Variants in SLCO4C1 observed in about 807,000 individuals in gnomAD.
SLCO4C1 encodes the protein organic anion transporter M1.
A neutral mutation model predicts 72.1 loss-of-function variants in SLCO4C1; 58 were observed. The ratio of observed to expected loss-of-function variants is 0.80; its 90% CI spans 0.65 to 1.00. The LOEUF is 1.00. Ranked by LOEUF, SLCO4C1 falls within the 50% of genes least tolerant of loss-of-function variation. The pLI is 0.00. For synonymous variants in SLCO4C1, 297 were observed against 312.5 expected (o/e 0.95, Z 0.52); for missense variants, 898 against 857.9 (o/e 1.05, Z -0.58).
At chr5:102,280,289 G>A (rs77522128) in intron 2 of SLCO4C1, among the ~76,000 whole-genome samples, 4,613 of 151,378 alleles carry the variant, frequency 0.03, 172 homozygotes, top group African/African-American at 0.093. Flanking sequence ...AAAATCTACC[G>A]TATTTCCATA....
Position 102,295,909 on chromosome 5 carries a change from T to A in SLCO4C1, c.354A>T (p.Gln118His). ...CCTCAAGCGGGCGCTGGACTTTACC[T>A]TGCGTGACGGCCAAGAGGCAGTAGT... ...LLHYCLLAVT[Q>H]GIVVNGLVNI... Residue 118 changes from glutamine (Q) to histidine (H), a missense_variant and splice_region_variant, in exon 1 of 13, where the codon CAA (glutamine) becomes CAT (histidine). Physicochemically the swap from Gln to His is conservative, Grantham distance 24. Coordinates refer to ENST00000310954, the MANE Select transcript of SLCO4C1 (RefSeq NM_180991.5). 6.2e-7 allele frequency: 1 copy of A among 1,611,740 alleles called. No individual in the cohort carries two copies. The highest frequency in any genetic ancestry group is 2.2e-5 in the East Asian group (1 of 44,822).
At chr5:102,250,496 C>T (rs908568844) in intron 8 of SLCO4C1, among the ~76,000 whole-genome samples, 18 of 152,050 alleles carry the variant, frequency 1.2e-4, no homozygotes, top group Middle Eastern at 3.2e-3. Flanking sequence ...GAATACAAAG[C>T]CGAATAAGAC....
At chr5:102,263,632 C>T in intron 4 of SLCO4C1, 52 bp downstream of exon 4, 1 of 1,428,968 alleles carries the variant, frequency 7.0e-7, no homozygotes, top group Non-Finnish European at 9.8e-7. Context: ...ATGATGCTGG[C>T]ATAATTAAAA....
intron 2 of SLCO4C1, among the ~76,000 whole-genome samples, chr5:102,285,238 CAAATAT>C (rs1749429197): frequency 1.3e-5 from 2 of 150,466 alleles, no homozygotes; most frequent in Admixed American, 6.6e-5. Context: ...CACACACACA[CAAATAT>C]ATACACACAT....
In SLCO4C1 at chr5:102,234,746, A is replaced by C. The variant is rs549367439; in HGVS notation, c.*2112T>G. 1 of 152,290 alleles carries C rather than the reference A, an allele frequency of 6.6e-6. No homozygotes were observed. The highest frequency in any genetic ancestry group is 2.4e-5 in the African/African-American group (1 of 41,556). 9.4% of individuals were successfully genotyped at this position (152,290 alleles called of 1,614,324 possible). On this transcript the variant is annotated 3_prime_UTR_variant, in exon 13 of 13. Coordinates refer to ENST00000310954, the MANE Select transcript of SLCO4C1 (RefSeq NM_180991.5). ...GATTTGCCTTTATGTTACAACTATG[A>C]AAGTCTTCAATCCAATTCCCTGCTT... is the stretch of plus-strand genomic sequence containing the variant.
Position 102,240,517 on chromosome 5 carries a change from AG to A in SLCO4C1, c.1876+200del, listed in dbSNP as rs574544623. Among the ~76,000 whole-genome samples the A allele has an allele frequency of 1.6e-4, 24 of 152,262 alleles. No homozygotes were observed. In the East Asian group the frequency reaches 4.4e-3, roughly 28 times the overall value. On this transcript the variant is annotated intron_variant, in intron 11 of 12. Transcript: ENST00000310954. ...ATTTTATTAGCAACATAGTTGGAAC[AG>A]GTAACCAGTCAGGTAGGTTAAAAGT...
chr5:102,274,944 A>G (rs1749222064), intron 2 of SLCO4C1, among the ~76,000 whole-genome samples: 1 of 152,068 alleles, frequency 6.6e-6, no homozygotes, highest in African/African-American at 2.4e-5. Context: ...CTCTCCTGTC[A>G]TCTCTGGTAC....
chr5:102,249,651 T>G lies in SLCO4C1; in HGVS notation c.1607A>C (p.His536Pro). The change falls in exon 9 of 13, where the codon CAC (histidine) becomes CCC (proline). Residue 536 changes from histidine to proline, a missense_variant. His to Pro is a moderately conservative substitution (Grantham distance 77). Transcript: ENST00000310954. ...CFAGCSNPVA[H>P]RKPKVYYNCS... The stretch of plus-strand genomic sequence containing the variant: ...GACATAAGCTACCTTTGGCTTCCTG[T>G]GTGCAACTGGGTTTGAACAGCCTGC... 6.2e-7 allele frequency: 1 copy of G among 1,613,714 alleles called. No individual in the cohort carries two copies. Among genetic ancestry groups the G allele is most frequent in the Non-Finnish European group, 8.5e-7 (1 of 1,179,866 alleles).
intron 5 of SLCO4C1, among the ~76,000 whole-genome samples, chr5:102,261,070 G>C (rs565489104): frequency 2.0e-5 from 3 of 152,272 alleles, no homozygotes; most frequent in Admixed American, 6.5e-5. Context: ...AGAGCTCATA[G>C]AGAAAAATGA....
At chr5:102,241,610 T>C (rs915618281) in intron 10 of SLCO4C1, among the ~76,000 whole-genome samples, 1 of 152,050 alleles carries the variant, frequency 6.6e-6, no homozygotes, top group Admixed American at 6.6e-5. Context: ...CACAAATAAA[T>C]GGAAAGCTAT....
chr5:102,291,240 A>C (rs1561383151), intron 2 of SLCO4C1, 103 bp downstream of exon 2: 2 of 1,247,752 alleles, frequency 1.6e-6, no homozygotes, highest in African/African-American at 3.0e-5. Context: ...GAAGAGATGT[A>C]AACCCTTACC....
intron 1 of SLCO4C1, among the ~76,000 whole-genome samples, chr5:102,295,351 G>C (rs115970755): frequency 0.019 from 2,935 of 152,206 alleles, 59 homozygotes; most frequent in African/African-American, 0.053. Context: ...TTACTCACTG[G>C]GCTCCTCTGG....
intron 10 of SLCO4C1, among the ~76,000 whole-genome samples, chr5:102,245,701 A>G (rs1373658531): frequency 6.6e-6 from 1 of 152,158 alleles, no homozygotes; most frequent in Admixed American, 6.5e-5. Flanking sequence ...GATCTAATAG[A>G]TATTTACAGA....
chr5:102,269,509 T>G (rs182804632), intron 3 of SLCO4C1, among the ~76,000 whole-genome samples: 1 of 152,266 alleles, frequency 6.6e-6, no homozygotes, highest in African/African-American at 2.4e-5. Flanking sequence ...TTCATTTAAT[T>G]CATCAGTTGC....
chr5:102,247,261 GAC>G lies in SLCO4C1; in HGVS notation c.1800_1801del (p.Ser601TyrfsTer6), dbSNP rs1748652102. ...TCAACGTGCTACATACCTTAGGATA[GAC>G]ACAGTTATAGGAGTACCGGCCATAA... On this transcript the variant is annotated frameshift_variant, in exon 10 of 13. Transcript: ENST00000310954. LOFTEE classifies it high-confidence loss of function. 1 of 1,535,122 alleles carries G rather than the reference GAC, an allele frequency of 6.5e-7. No homozygotes were observed. Among genetic ancestry groups the G allele is most frequent in the East Asian group, 2.3e-5 (1 of 43,574 alleles).
chr5:102,272,052 G>A (rs1749162606), intron 2 of SLCO4C1, among the ~76,000 whole-genome samples: 1 of 152,128 alleles, frequency 6.6e-6, no homozygotes, highest in Admixed American at 6.6e-5. Flanking sequence ...TGAGAAAGCA[G>A]AGGCATCCAG....
At chr5:102,292,188 A>G (rs1309481882) in intron 1 of SLCO4C1, among the ~76,000 whole-genome samples, 1 of 152,158 alleles carries the variant, frequency 6.6e-6, no homozygotes, top group Non-Finnish European at 1.5e-5. Context: ...GATGCTTGCT[A>G]CGTACTAAAT....
chr5:102,274,769 C>G (rs927151547), intron 2 of SLCO4C1, among the ~76,000 whole-genome samples: 14 of 152,256 alleles, frequency 9.2e-5, no homozygotes, highest in African/African-American at 3.4e-4. Context: ...TCTCCTTTCC[C>G]AGGGGGTAGC....
At chr5:102,245,380 G>A (rs1369167713) in intron 10 of SLCO4C1, among the ~76,000 whole-genome samples, 2 of 152,026 alleles carry the variant, frequency 1.3e-5, no homozygotes, top group Admixed American at 6.6e-5. Flanking sequence ...GAAACTGAAA[G>A]AGAATAGGAG....
Sources: gnomAD v4.1 joint callset for allele counts (sites outside exome capture counted in the v4.1 genomes callset) on GRCh38, gnomAD v4.1.1 for gene constraint, MANE v1.5 for transcripts, NCBI Gene and HGNC (gene_info 2026-07-23, HGNC 2026-07-21) for gene names.